GFRA1: variants seen among roughly 807,000 people sequenced by gnomAD.
GFRA1 encodes the protein GDNF family receptor alpha 1, also known as GDNF family receptor alpha-1.
A neutral mutation model predicts 51.6 loss-of-function variants in GFRA1; 16 were observed. The observed-to-expected ratio is 0.31, with a 90% CI of 0.21 to 0.47. The LOEUF (loss-of-function observed/expected upper bound fraction) is 0.47, where lower values mean the gene tolerates loss of function less well. GFRA1 is among the 20% of genes least tolerant of loss of function. The probability of loss-of-function intolerance (pLI) is 1.00; values close to 1 mark genes in which losing one functional copy is unlikely to be tolerated. For missense variants in GFRA1, 530 were observed against 594.3 expected, an observed-to-expected ratio of 0.89 and a Z score of 1.13; for synonymous variants, 270 against 241.3, an observed-to-expected ratio of 1.12 and a Z score of -1.10.
intron 4 of GFRA1, among the ~76,000 whole-genome samples, chr10:116,231,002 GAT>G (rs1361436658): frequency 6.6e-6 from 1 of 152,164 alleles, no homozygotes; most frequent in African/African-American, 2.4e-5. Context: ...CTAGCTTACT[GAT>G]GGGGAAAAGG....
At chr10:116,085,022 T>C (rs941035044) in intron 9 of GFRA1, among the ~76,000 whole-genome samples, 21 of 152,202 alleles carry the variant, frequency 1.4e-4, no homozygotes, top group African/African-American at 2.2e-4. Flanking sequence ...AATGGGAGCT[T>C]GGCGGGTAAC....
intron 5 of GFRA1, among the ~76,000 whole-genome samples, chr10:116,189,475 C>T (rs377017006): frequency 5.8e-4 from 89 of 152,210 alleles, no homozygotes; most frequent in South Asian, 3.1e-3. Context: ...TTGATTCCCC[C>T]GCCACCTTCA....
intron 5 of GFRA1, among the ~76,000 whole-genome samples, chr10:116,154,934 A>T (rs546489576): frequency 3.3e-5 from 5 of 152,232 alleles, no homozygotes; most frequent in Admixed American, 1.3e-4. Context: ...GGGATCCCCT[A>T]CTCAAAGGAA....
At chr10:116,070,853 T>C (rs961677082) in intron 9 of GFRA1, among the ~76,000 whole-genome samples, 2 of 150,244 alleles carry the variant, frequency 1.3e-5, no homozygotes, top group Non-Finnish European at 1.5e-5. Flanking sequence ...TCCCAAGCAG[T>C]TGGCCAGCCT....
intron 6 of GFRA1, among the ~76,000 whole-genome samples, chr10:116,104,500 T>C (rs1956936245): frequency 6.6e-6 from 1 of 152,210 alleles, no homozygotes; most frequent in Admixed American, 6.5e-5. Context: ...CTTCATGGGC[T>C]GAGAATGGAG....
At chr10:116,191,802 G>A (rs1169689324) in intron 5 of GFRA1, among the ~76,000 whole-genome samples, 3 of 152,218 alleles carry the variant, frequency 2.0e-5, no homozygotes, top group Non-Finnish European at 4.4e-5. Flanking sequence ...CAAGGCAGGC[G>A]GATCACCTGA....
chr10:116,090,129 G>C (rs1247477759), intron 8 of GFRA1, among the ~76,000 whole-genome samples: 2 of 152,088 alleles, frequency 1.3e-5, no homozygotes, highest in Admixed American at 1.3e-4. Flanking sequence ...ATTACACCCT[G>C]AGCTGGACAC....
chr10:116,228,705 G>A (rs775545930), intron 4 of GFRA1, among the ~76,000 whole-genome samples: 19 of 151,496 alleles, frequency 1.3e-4, no homozygotes, highest in Non-Finnish European at 1.8e-4. Context: ...AGGTGGGGCC[G>A]GGCACGGTGG....
chr10:116,064,347 T>C lies in GFRA1; in HGVS notation c.*51A>G. ...GCTATACAAGAGAACAGGAAACAGA[T>C]AACTTGGTTTTTGTCTTTTTACATG... On this transcript the variant is annotated 3_prime_UTR_variant, in exon 11 of 11. Coordinates refer to ENST00000355422, the MANE Select transcript of GFRA1 (RefSeq NM_005264.8). The C allele has an allele frequency of 6.6e-7, 1 of 1,516,604 alleles. No individual in the cohort carries two copies. Among genetic ancestry groups the C allele is most frequent in the Non-Finnish European group, 9.1e-7 (1 of 1,096,524 alleles). 93.9% of individuals were successfully genotyped at this position (1,516,604 alleles called of 1,614,324 possible).
At chr10:116,087,185 A>G (rs1001315852) in intron 9 of GFRA1, among the ~76,000 whole-genome samples, 3 of 152,184 alleles carry the variant, frequency 2.0e-5, no homozygotes, top group Admixed American at 6.5e-5. Context: ...TCCTCCTTGC[A>G]GGGAAAGGTG....
At chr10:116,203,927 C>A (rs1964533453) in intron 5 of GFRA1, among the ~76,000 whole-genome samples, 1 of 152,240 alleles carries the variant, frequency 6.6e-6, no homozygotes, top group South Asian at 2.1e-4. Flanking sequence ...GGCCTCTGCT[C>A]TAGATAAGGC....
intron 4 of GFRA1, among the ~76,000 whole-genome samples, chr10:116,243,986 T>C (rs981560469): frequency 1.3e-5 from 2 of 152,142 alleles, no homozygotes; most frequent in African/African-American, 4.8e-5. Context: ...TGGCCCAGCA[T>C]CCATGAAAGG....
chr10:116,095,837 CTG>C (rs1170887899), intron 7 of GFRA1, among the ~76,000 whole-genome samples: 1 of 152,180 alleles, frequency 6.6e-6, no homozygotes, highest in Non-Finnish European at 1.5e-5. Flanking sequence ...CTTCTGACAA[CTG>C]TGATTTTCCT....
chr10:116,176,852 T>C (rs972266939), intron 5 of GFRA1, among the ~76,000 whole-genome samples: 1 of 151,610 alleles, frequency 6.6e-6, no homozygotes, highest in African/African-American at 2.4e-5. Flanking sequence ...CAGGAACAAA[T>C]AGACAACCAA....
At chr10:116,097,630 G>C (rs1336012447) in intron 6 of GFRA1, among the ~76,000 whole-genome samples, 1 of 152,196 alleles carries the variant, frequency 6.6e-6, no homozygotes. Context: ...TCCTGAATGA[G>C]AGCTGGGCCA....
chr10:116,111,884 C>A (rs1032182157), intron 6 of GFRA1, among the ~76,000 whole-genome samples: 1 of 152,206 alleles, frequency 6.6e-6, no homozygotes, highest in Non-Finnish European at 1.5e-5. Flanking sequence ...CACCCTTCCC[C>A]ACGAGGCTGG....
At chr10:116,113,529 A>G (rs941670532) in intron 6 of GFRA1, among the ~76,000 whole-genome samples, 2 of 152,212 alleles carry the variant, frequency 1.3e-5, no homozygotes, top group African/African-American at 4.8e-5. Flanking sequence ...TTTTAACATA[A>G]ATAAGAAGTA....
At chr10:116,182,037 G>A (rs1962280178) in intron 5 of GFRA1, among the ~76,000 whole-genome samples, 2 of 142,708 alleles carry the variant, frequency 1.4e-5, no homozygotes, top group South Asian at 2.5e-4. Flanking sequence ...GGGCACATGA[G>A]TATCTTGCTC....
chr10:116,271,910 C>T, intron 2 of GFRA1, 80 bp downstream of exon 2: 1 of 1,122,924 alleles, frequency 8.9e-7, no homozygotes, highest in South Asian at 1.3e-5. Flanking sequence ...AATTTTGGTG[C>T]GGAGGGCGGG....
Sources: gnomAD v4.1 joint callset for allele counts (sites outside exome capture counted in the v4.1 genomes callset) on GRCh38, gnomAD v4.1.1 for gene constraint, MANE v1.5 for transcripts, NCBI Gene and HGNC (gene_info 2026-07-23, HGNC 2026-07-21) for gene names.